The following ENTREP1 variants were observed in gnomAD, a reference collection of about 807,000 sequenced individuals.
ENTREP1 encodes Friedreich ataxia region gene X123.
At chr9:69,366,388 T>TG in the ENTREP1 span, among the ~76,000 whole-genome samples, 2 of 151,058 alleles carry the variant, frequency 1.3e-5, no homozygotes, top group East Asian at 1.9e-4. Context: ...AACTGGGGTT[T>TG]TTTTTTTTTT....
the ENTREP1 span, chr9:69,386,157 T>C: frequency 2.5e-6 from 1 of 400,792 alleles, no homozygotes; most frequent in Non-Finnish European, 4.2e-6. Context: ...GGTTTTTTTG[T>C]TTTTTTTTAA....
chr9:69,383,647 T>C, the ENTREP1 span: 1 of 1,614,136 alleles, frequency 6.2e-7, no homozygotes, highest in South Asian at 1.1e-5. Flanking sequence ...GGTCCTGATG[T>C]TATTCCCCTG....
chr9:69,383,966 C>A, the ENTREP1 span: 1 of 1,613,716 alleles, frequency 6.2e-7, no homozygotes, highest in South Asian at 1.1e-5. Flanking sequence ...TTCCAAATGT[C>A]AGAAGGATCA....
chr9:69,377,735 T>G, the ENTREP1 span: 14 of 1,612,710 alleles, frequency 8.7e-6, no homozygotes, highest in Non-Finnish European at 1.2e-5. Flanking sequence ...ACACCCCGGA[T>G]GAACCGCAGG....
the ENTREP1 span, chr9:69,381,670 A>G: frequency 6.6e-6 from 1 of 152,260 alleles, no homozygotes; most frequent in Non-Finnish European, 1.5e-5. Context: ...AAACAAAAAC[A>G]AAAAACCAAC....
At chr9:69,333,305 T>C in the ENTREP1 span, among the ~76,000 whole-genome samples, 1 of 151,960 alleles carries the variant, frequency 6.6e-6, no homozygotes, top group Non-Finnish European at 1.5e-5. Context: ...CACTTCCTTT[T>C]AATAATATTA....
the ENTREP1 span, among the ~76,000 whole-genome samples, chr9:69,329,921 CTA>C: frequency 1.6e-5 from 2 of 126,648 alleles, no homozygotes; most frequent in Admixed American, 8.1e-5. Flanking sequence ...TGGGAGTTAA[CTA>C]GGTTCCACTG....
chr9:69,336,385 A>G, the ENTREP1 span: 1 of 624,722 alleles, frequency 1.6e-6, no homozygotes, highest in Non-Finnish European at 2.8e-6. Context: ...AAAATAAGTT[A>G]ACAATAGATA....
the ENTREP1 span, chr9:69,391,688 G>A: frequency 5.6e-6 from 9 of 1,613,970 alleles, no homozygotes; most frequent in East Asian, 6.7e-5. Flanking sequence ...CCAGAGCTGC[G>A]GCGACCTTCA....
chr9:69,347,817 A>G, the ENTREP1 span, among the ~76,000 whole-genome samples: 1 of 152,214 alleles, frequency 6.6e-6, no homozygotes, highest in African/African-American at 2.4e-5. Context: ...TGCTTGTTCA[A>G]GGGACCAGCT....
chr9:69,358,275 T>C, the ENTREP1 span, among the ~76,000 whole-genome samples: 4 of 152,272 alleles, frequency 2.6e-5, no homozygotes, highest in Non-Finnish European at 5.9e-5. Flanking sequence ...GCCATTTTCA[T>C]GCTTGCAGTG....
the ENTREP1 span, among the ~76,000 whole-genome samples, chr9:69,334,489 C>G: frequency 6.6e-6 from 1 of 152,144 alleles, no homozygotes; most frequent in African/African-American, 2.4e-5. Context: ...GGGACACTGT[C>G]AAGTCCTTAC....
chr9:69,380,971 C>T, the ENTREP1 span: 1 of 152,200 alleles, frequency 6.6e-6, no homozygotes. Flanking sequence ...GGGCCCTTCC[C>T]TCTCTCCCCC....
At chr9:69,378,010 CTG>C in the ENTREP1 span, among the ~76,000 whole-genome samples, 1 of 128,338 alleles carries the variant, frequency 7.8e-6, no homozygotes, top group East Asian at 2.4e-4. Context: ...TCTATTCTCT[CTG>C]TCTCTCTCTC....
At chr9:69,327,550 A>G in the ENTREP1 span, among the ~76,000 whole-genome samples, 2 of 152,176 alleles carry the variant, frequency 1.3e-5, no homozygotes, top group African/African-American at 2.4e-5. Flanking sequence ...TCAGTTTACT[A>G]TTGTGAATCA....
At chr9:69,356,153 C>A in the ENTREP1 span, among the ~76,000 whole-genome samples, 5 of 152,176 alleles carry the variant, frequency 3.3e-5, no homozygotes, top group African/African-American at 1.2e-4. Flanking sequence ...CCCTGAAGTC[C>A]GTGGCAACCA....
the ENTREP1 span, chr9:69,384,175 T>C: frequency 3.4e-6 from 2 of 583,710 alleles, no homozygotes; most frequent in South Asian, 2.1e-5. Context: ...CTGGACAACA[T>C]GGAGAGAGAC....
chr9:69,338,399 A>G, the ENTREP1 span, among the ~76,000 whole-genome samples: 1 of 152,252 alleles, frequency 6.6e-6, no homozygotes, highest in African/African-American at 2.4e-5. Flanking sequence ...ATTGAATTAA[A>G]AGAAGAAAAT....
chr9:69,325,594 C>T, the ENTREP1 span: 1 of 1,227,910 alleles, frequency 8.1e-7, no homozygotes, highest in Non-Finnish European at 1.0e-6. Flanking sequence ...TGCCCGCCCG[C>T]CCGCTGCTGT....
Sources: allele counts gnomAD v4.1 joint callset (sites outside exome capture counted in the v4.1 genomes callset), GRCh38; gene constraint gnomAD v4.1.1; transcripts MANE v1.5; gene names NCBI Gene and HGNC (gene_info 2026-07-23, HGNC 2026-07-21).